The following ARHGAP15 variants were observed in gnomAD, a reference collection of about 807,000 sequenced individuals.
ARHGAP15 encodes Rho GTPase activating protein 15.
Under a neutral mutation model 63.7 loss-of-function variants are expected in ARHGAP15, and 51 were observed. The observed-to-expected ratio is 0.80, with a 90% confidence interval of 0.64 to 1.01. The LOEUF is 1.01. Among genes scored for constraint, ARHGAP15 ranks in the 50% least tolerant of loss-of-function variants. The pLI is 0.00. For missense variants in ARHGAP15, 560 were observed against 564.6 expected (o/e 0.99, Z 0.08); for synonymous variants, 191 against 193.8 (o/e 0.99, Z 0.12).
In ARHGAP15 at chr2:143,757,684, T is replaced by C. The variant is rs1203794259; in HGVS notation, c.1245-10305T>C. 2.6e-5 allele frequency among the ~76,000 whole-genome samples: 4 copies of C among 151,934 alleles called. No individual in the cohort carries two copies. The East Asian group carries it at 7.7e-4, about 29-fold the overall frequency. ...AAATGTCATAGGGAAAATCAGCTGG[T>C]TTCCAGAAAAAAAGTAAATTCAGAG... On this transcript the variant is annotated intron_variant, in intron 13 of 13. Coordinates refer to ENST00000295095, the MANE Select transcript of ARHGAP15 (RefSeq NM_018460.4).
At chr2:143,362,419 C>T (rs896480520) in intron 6 of ARHGAP15, among the ~76,000 whole-genome samples, 20 of 152,196 alleles carry the variant, frequency 1.3e-4, no homozygotes, top group African/African-American at 4.3e-4. Context: ...TCTTCTGCCT[C>T]TTTGGGAATT....
intron 6 of ARHGAP15, among the ~76,000 whole-genome samples, chr2:143,430,760 C>T (rs1334467979): frequency 1.3e-5 from 2 of 151,840 alleles, no homozygotes; most frequent in African/African-American, 2.4e-5. Context: ...ATCATGAAGT[C>T]CAAAGTCTCT....
intron 4 of ARHGAP15, among the ~76,000 whole-genome samples, chr2:143,226,015 GA>G (rs1239315769): frequency 6.6e-6 from 1 of 152,204 alleles, no homozygotes; most frequent in Non-Finnish European, 1.5e-5. Context: ...AGAGAAGATA[GA>G]CAGTGTTTAT....
chr2:143,588,659 A>G (rs909933152), intron 11 of ARHGAP15, among the ~76,000 whole-genome samples: 1 of 152,138 alleles, frequency 6.6e-6, no homozygotes, highest in African/African-American at 2.4e-5. Flanking sequence ...AAAGAACGTG[A>G]TCTCATTCCT....
intron 6 of ARHGAP15, among the ~76,000 whole-genome samples, chr2:143,285,326 AAT>A (rs1234820602): frequency 6.6e-6 from 1 of 152,174 alleles, no homozygotes; most frequent in African/African-American, 2.4e-5. Flanking sequence ...GCAAAATATA[AAT>A]ATACTAAAAC....
intron 6 of ARHGAP15, among the ~76,000 whole-genome samples, chr2:143,410,906 C>T (rs1400857584): frequency 4.1e-5 from 6 of 147,200 alleles, no homozygotes; most frequent in Admixed American, 2.0e-4. Flanking sequence ...AAATAAAAAA[C>T]GAAAATATCG....
chr2:143,463,951 C>T (rs981663028), intron 8 of ARHGAP15, among the ~76,000 whole-genome samples: 4 of 152,146 alleles, frequency 2.6e-5, no homozygotes, highest in African/African-American at 9.7e-5. Context: ...CATTTCCTCC[C>T]CAGTTCATTC....
chr2:143,468,110 T>C (rs551218646), intron 8 of ARHGAP15, among the ~76,000 whole-genome samples: 11 of 152,218 alleles, frequency 7.2e-5, no homozygotes, highest in African/African-American at 2.6e-4. Context: ...ATAGCATCAA[T>C]TACTGTATAG....
In ARHGAP15 at chr2:143,423,546, A is replaced by G. The variant is rs560183533; in HGVS notation, c.475-12055A>G. On this transcript the variant is annotated intron_variant, in intron 6 of 13. Transcript: ENST00000295095. ...GGTCAAGACACTGGATGTGTACAGT[A>G]GTGAGATGCACACCATTATGAAGTT... 3.9e-5 allele frequency among the ~76,000 whole-genome samples: 6 copies of G among 152,250 alleles called. 1 individual carries two copies. In the South Asian group the frequency reaches 1.2e-3, roughly 32 times the overall value.
chr2:143,468,081 TTTGA>T (rs1218052973), intron 8 of ARHGAP15, among the ~76,000 whole-genome samples: 1 of 152,122 alleles, frequency 6.6e-6, no homozygotes, highest in Non-Finnish European at 1.5e-5. Flanking sequence ...GGGTGCCTTG[TTTGA>T]TTGTGTATTA....
chr2:143,405,752 C>T (rs1011790321), intron 6 of ARHGAP15, among the ~76,000 whole-genome samples: 1 of 151,840 alleles, frequency 6.6e-6, no homozygotes, highest in Non-Finnish European at 1.5e-5. Flanking sequence ...ATACAAAGTG[C>T]TTGGGTAATG....
intron 6 of ARHGAP15, among the ~76,000 whole-genome samples, chr2:143,379,576 A>G (rs1281195703): frequency 2.0e-5 from 3 of 148,954 alleles, no homozygotes; most frequent in African/African-American, 2.5e-5. Flanking sequence ...AGTTTACACA[A>G]TTCTCTCTTT....
At chr2:143,371,664 G>A (rs1686561914) in intron 6 of ARHGAP15, among the ~76,000 whole-genome samples, 1 of 152,084 alleles carries the variant, frequency 6.6e-6, no homozygotes, top group Non-Finnish European at 1.5e-5. Context: ...AGGCTAGCTT[G>A]TTCCCCTGTT....
In ARHGAP15 at chr2:143,711,917, C is replaced by T. The variant is rs562966488; in HGVS notation, c.1244+8393C>T. On this transcript the variant is annotated intron_variant, in intron 13 of 13. Coordinates refer to ENST00000295095, the MANE Select transcript of ARHGAP15 (RefSeq NM_018460.4). ...TGCACTCTAGGCAACAAAGCAAGAT[C>T]GTGTCAAAAAACAAAAACAAAACAA... 3.3e-5 allele frequency among the ~76,000 whole-genome samples: 5 copies of T among 152,106 alleles called. No individual in the cohort carries two copies. In the South Asian group the frequency reaches 1.0e-3, roughly 32 times the overall value.
intron 6 of ARHGAP15, among the ~76,000 whole-genome samples, chr2:143,266,778 A>G (rs764994074): frequency 6.6e-6 from 1 of 152,170 alleles, no homozygotes; most frequent in South Asian, 2.1e-4. Flanking sequence ...ATAAAAGATA[A>G]ATAAAAATAA....
intron 11 of ARHGAP15, among the ~76,000 whole-genome samples, chr2:143,622,876 G>T (rs1230818662): frequency 6.6e-6 from 1 of 150,496 alleles, no homozygotes. Flanking sequence ...AGCCCATGCA[G>T]AGAATCCCTA....
chr2:143,647,045 T>A (rs1269758467), intron 12 of ARHGAP15, among the ~76,000 whole-genome samples: 1 of 151,780 alleles, frequency 6.6e-6, no homozygotes, highest in Non-Finnish European at 1.5e-5. Context: ...ACAAAAAAAG[T>A]CAAAAAATAA....
At position 143,734,054 on chromosome 2, in the gene ARHGAP15, T is replaced by A. The variant is rs527823044; in HGVS notation, c.1244+30530T>A. Among the ~76,000 whole-genome samples the A allele has an allele frequency of 1.0e-3, 155 of 152,314 alleles. 2 individuals carry two copies. The South Asian group carries it at 0.031, about 31-fold the overall frequency. ...CATTCATGTTAATATTTGATCTTGA[T>A]CTTTTTGTGAAGCATCCAGTCTAGT... On this transcript the variant is annotated intron_variant, in intron 13 of 13. Coordinates refer to ENST00000295095, the MANE Select transcript of ARHGAP15 (RefSeq NM_018460.4).
chr2:143,261,055 C>A (rs572451747), intron 6 of ARHGAP15, among the ~76,000 whole-genome samples: 40 of 152,218 alleles, frequency 2.6e-4, no homozygotes, highest in African/African-American at 9.4e-4. Flanking sequence ...AGATAGTAAA[C>A]CTTGTAGCTA....
Sources: allele counts gnomAD v4.1 joint callset (sites outside exome capture counted in the v4.1 genomes callset), GRCh38; gene constraint gnomAD v4.1.1; transcripts MANE v1.5; gene names NCBI Gene and HGNC (gene_info 2026-07-23, HGNC 2026-07-21).